ATRNL1: variants seen among roughly 807,000 people sequenced by gnomAD.
The protein encoded by ATRNL1 is attractin-like protein 1.
A neutral mutation model predicts 182.7 loss-of-function variants in ATRNL1; 95 were observed. The observed-to-expected ratio is 0.52, with a 90% CI of 0.44 to 0.62. ATRNL1 has a LOEUF of 0.62. ATRNL1 is among the 20% of genes least tolerant of loss of function. The pLI is 0.00. For missense variants in ATRNL1, 1,471 were observed against 1,679.5 expected (o/e 0.88, Z 2.17); for synonymous variants, 576 against 568.3 (o/e 1.01, Z -0.19).
chr10:115,257,653 A>G (rs1554907434), intron 10 of ATRNL1, among the ~76,000 whole-genome samples: 2 of 152,118 alleles, frequency 1.3e-5, no homozygotes, highest in East Asian at 3.9e-4. Flanking sequence ...TGTCATTATG[A>G]TGTTCGCTGG....
At chr10:115,207,324 A>G (rs1387373338) in intron 8 of ATRNL1, among the ~76,000 whole-genome samples, 7 of 152,120 alleles carry the variant, frequency 4.6e-5, no homozygotes, top group South Asian at 2.1e-4. Flanking sequence ...AAGCATTCCT[A>G]TTTCTCCACA....
At chr10:115,852,733 T>C (rs1319854898) in intron 28 of ATRNL1, among the ~76,000 whole-genome samples, 3 of 152,124 alleles carry the variant, frequency 2.0e-5, no homozygotes, top group African/African-American at 7.2e-5. Context: ...AAGCTTTAAA[T>C]CCAGAGTCAA....
chr10:115,566,125 G>A (rs572727356), intron 26 of ATRNL1, among the ~76,000 whole-genome samples: 185 of 151,950 alleles, frequency 1.2e-3, no homozygotes, highest in African/African-American at 4.0e-3. Context: ...ATTGGAGATG[G>A]TGTCTTGCTG....
chr10:115,690,969 C>G (rs1946376418), intron 26 of ATRNL1, among the ~76,000 whole-genome samples: 1 of 152,158 alleles, frequency 6.6e-6, no homozygotes, highest in African/African-American at 2.4e-5. Flanking sequence ...CCTTGGGGCT[C>G]CCAAGCCAAC....
intron 19 of ATRNL1, among the ~76,000 whole-genome samples, chr10:115,348,525 A>G (rs1287804618): frequency 6.6e-6 from 1 of 152,150 alleles, no homozygotes; most frequent in Non-Finnish European, 1.5e-5. Context: ...TATTATTTCC[A>G]ATCTGACTTA....
chr10:115,352,595 T>G (rs188605055), intron 19 of ATRNL1, among the ~76,000 whole-genome samples: 2 of 152,342 alleles, frequency 1.3e-5, no homozygotes, highest in Admixed American at 1.3e-4. Flanking sequence ...GTTTCCAAAG[T>G]GTCATTATTC....
At chr10:115,723,534 G>GTATTTATTTATTTATTTATTTATT (rs112343950) in intron 26 of ATRNL1, among the ~76,000 whole-genome samples, 82 of 148,226 alleles carry the variant, frequency 5.5e-4, no homozygotes, top group Admixed American at 1.5e-3. Flanking sequence ...CTTTTCTTTT[G>GTATTTATTTATTTATTTATTTATT]TATTTATTTA....
chr10:115,127,625 A>C lies in ATRNL1; in HGVS notation c.524A>C (p.Glu175Ala). 1.9e-6 allele frequency: 3 copies of C among 1,609,242 alleles called. No individual in the cohort carries two copies. Among genetic ancestry groups the C allele is most frequent in the Non-Finnish European group, 2.5e-6 (3 of 1,177,776 alleles). Residue 175 changes from glutamate (E) to alanine (A), a missense_variant, in exon 4 of 29, where the codon GAA (glutamate) becomes GCA (alanine). Physicochemically the swap from Glu to Ala is moderately radical, Grantham distance 107. Around this residue, in one of 3 missense-constraint regions of ATRNL1, gnomAD observed 1,031 missense variants for 1,156.0 expected, o/e 0.89. Coordinates refer to ENST00000355044, the MANE Select transcript of ATRNL1 (RefSeq NM_207303.4). ...ATAGTCCCTGAAATAAGGGGCAATG[A>C]AACTGTGCCTGAAGTTGTTACTACA... ...GLIVPEIRGN[E>A]TVPEVVTTSG...
chr10:115,438,667 C>T (rs1265858770), intron 21 of ATRNL1, among the ~76,000 whole-genome samples: 5 of 151,846 alleles, frequency 3.3e-5, no homozygotes, highest in Non-Finnish European at 7.4e-5. Flanking sequence ...CTTTTTTGCA[C>T]TACGGCTGCT....
At chr10:115,907,398 G>A (rs566471177) in intron 28 of ATRNL1, among the ~76,000 whole-genome samples, 5 of 152,200 alleles carry the variant, frequency 3.3e-5, no homozygotes, top group South Asian at 2.1e-4. Context: ...TTGCTATTTC[G>A]TCTCACAGGA....
At chr10:115,232,785 A>G (rs575131963) in intron 9 of ATRNL1, among the ~76,000 whole-genome samples, 3 of 152,244 alleles carry the variant, frequency 2.0e-5, no homozygotes, top group Admixed American at 6.5e-5. Flanking sequence ...GTGGTCTGCA[A>G]TACTAACAGT....
At chr10:115,434,023 G>C (rs1481027823) in intron 21 of ATRNL1, among the ~76,000 whole-genome samples, 2 of 152,192 alleles carry the variant, frequency 1.3e-5, no homozygotes, top group Admixed American at 1.3e-4. Context: ...ACCCTAGTGT[G>C]GGGCTGTGTC....
At chr10:115,139,095 A>G (rs1845646742) in intron 5 of ATRNL1, among the ~76,000 whole-genome samples, 3 of 152,328 alleles carry the variant, frequency 2.0e-5, no homozygotes, top group African/African-American at 7.2e-5. Context: ...CCATTTCCCA[A>G]CAAGTTCCTC....
intron 26 of ATRNL1, among the ~76,000 whole-genome samples, chr10:115,711,506 C>T (rs1555054542): frequency 6.6e-6 from 1 of 152,204 alleles, no homozygotes; most frequent in African/African-American, 2.4e-5. Context: ...AGCTTTTCCC[C>T]TCTAACTTTG....
chr10:115,245,315 A>T (rs554788366), intron 10 of ATRNL1, among the ~76,000 whole-genome samples: 1 of 151,852 alleles, frequency 6.6e-6, no homozygotes, highest in African/African-American at 2.4e-5. Context: ...CCTGACCAAC[A>T]TGGAGAAACC....
chr10:115,169,125 T>C (rs1847180273), intron 7 of ATRNL1, among the ~76,000 whole-genome samples: 1 of 151,392 alleles, frequency 6.6e-6, no homozygotes. Flanking sequence ...CAAAAATCAA[T>C]TGGCCATAGA....
At chr10:115,600,889 C>T (rs1049009035) in intron 26 of ATRNL1, among the ~76,000 whole-genome samples, 1 of 148,030 alleles carries the variant, frequency 6.8e-6, no homozygotes, top group Non-Finnish European at 1.5e-5. Context: ...AAGTTAATTT[C>T]AGAGTCTGAT....
chr10:115,323,681 T>C (rs1189388811), intron 18 of ATRNL1, among the ~76,000 whole-genome samples: 1 of 152,082 alleles, frequency 6.6e-6, no homozygotes, highest in Non-Finnish European at 1.5e-5. Context: ...TGACCTCAGG[T>C]GATCTGCCCA....
chr10:115,916,084 G>A (rs1555117143), intron 28 of ATRNL1, among the ~76,000 whole-genome samples: 1 of 152,130 alleles, frequency 6.6e-6, no homozygotes, highest in Non-Finnish European at 1.5e-5. Context: ...AGTATTTGCA[G>A]GCACATAGGT....
Sources: gnomAD v4.1 joint callset for allele counts (sites outside exome capture counted in the v4.1 genomes callset) on GRCh38, gnomAD v4.1.1 for gene constraint, gnomAD v4.1.1 regional missense constraint, MANE v1.5 for transcripts, NCBI Gene and HGNC (gene_info 2026-07-23, HGNC 2026-07-21) for gene names.